The following CELF2 variants were observed in gnomAD, a reference collection of about 807,000 sequenced individuals.
CELF2 encodes the protein CUGBP Elav-like family member 2.
In CELF2, 8 loss-of-function variants were observed where a neutral mutation model predicts 62.6. That is an observed-to-expected ratio of 0.13 (90% CI 0.07 to 0.23). The LOEUF (loss-of-function observed/expected upper bound fraction) is 0.23, where lower values mean the gene tolerates loss of function less well. Ranked by LOEUF, CELF2 falls within the 10% of genes least tolerant of loss-of-function variation. CELF2 has a pLI of 1.00. For synonymous variants in CELF2, 258 were observed against 250.0 expected, an observed-to-expected ratio of 1.03 and a Z score of -0.30; for missense variants, 333 against 671.0, an observed-to-expected ratio of 0.50 and a Z score of 5.56.
At chr10:10,798,496 G>A (rs987939852), upstream of CELF2, 5 of 353,498 alleles carry the variant, frequency 1.4e-5, no homozygotes, top group South Asian at 1.5e-4. Flanking sequence ...GGAATAAAGT[G>A]GGCTACAAAA....
chr10:11,147,528 T>C (rs1426257468), intron 1 of CELF2, among the ~76,000 whole-genome samples: 1 of 152,220 alleles, frequency 6.6e-6, no homozygotes, highest in African/African-American at 2.4e-5. Flanking sequence ...AAAAATAAAA[T>C]GCATGTGCAA....
chr10:10,867,904 A>G (rs2060487281), intron 1 of CELF2, among the ~76,000 whole-genome samples: 1 of 152,156 alleles, frequency 6.6e-6, no homozygotes. Context: ...CTGATATTCC[A>G]AATATTTGTC....
chr10:10,462,694 G>C, the CELF2 span, among the ~76,000 whole-genome samples: 8 of 139,354 alleles, frequency 5.7e-5, no homozygotes, highest in South Asian at 1.4e-3. Context: ...AGTCATAAGC[G>C]TGGCTTCCCT....
Position 11,296,600 on chromosome 10 carries a change from A to G in CELF2, c.976+8048A>G, listed in dbSNP as rs1459335130. 6.6e-6 allele frequency among the ~76,000 whole-genome samples: 1 copy of G among 152,188 alleles called. No individual in the cohort carries two copies. The highest frequency in any genetic ancestry group is 2.4e-5 in the African/African-American group (1 of 41,452). Reference sequence around the variant, plus strand: ...CCATTTCTTCAGACTTGAAAGCAATAAAATGGAAATTTTTAGTTCAGATGT... The same window carrying G: ...CCATTTCTTCAGACTTGAAAGCAATGAAATGGAAATTTTTAGTTCAGATGT... On this transcript the variant is annotated intron_variant, in intron 9 of 12. Coordinates refer to ENST00000633077, the MANE Select transcript of CELF2 (RefSeq NM_001326342.2). The surrounding 1 kb of genome is among the most constrained non-coding windows in gnomAD (Gnocchi z 5.0).
At chr10:10,980,538 ACCT>A (rs1479783210) in intron 2 of CELF2, among the ~76,000 whole-genome samples, 1 of 150,788 alleles carries the variant, frequency 6.6e-6, no homozygotes, top group African/African-American at 2.4e-5. Flanking sequence ...TTTCTTAAAA[ACCT>A]CCTGTTTCTT....
upstream of CELF2, among the ~76,000 whole-genome samples, chr10:11,014,382 C>G (rs1327081458): frequency 6.6e-6 from 1 of 152,182 alleles, no homozygotes; most frequent in Non-Finnish European, 1.5e-5. Context: ...ACAAGATATA[C>G]AAGGTTGTCT....
intron 2 of CELF2, among the ~76,000 whole-genome samples, chr10:11,200,813 A>T (rs754909726): frequency 1.5e-4 from 23 of 152,260 alleles, no homozygotes; most frequent in Non-Finnish European, 1.6e-4. Context: ...GAGAAAAAGA[A>T]GACGGAAATT....
the CELF2 span, among the ~76,000 whole-genome samples, chr10:10,502,215 G>T: frequency 6.6e-6 from 1 of 151,486 alleles, no homozygotes; most frequent in Non-Finnish European, 1.5e-5. Context: ...TTGATTTGCA[G>T]TTTTTTTCTG....
At chr10:11,035,152 A>G (rs562690935) in intron 1 of CELF2, among the ~76,000 whole-genome samples, 1 of 152,262 alleles carries the variant, frequency 6.6e-6, no homozygotes, top group East Asian at 1.9e-4. Flanking sequence ...TCTGCGTGGG[A>G]TTAACCCAAA....
At position 10,972,948 on chromosome 10, in the gene CELF2, C is replaced by G. The variant is rs893150112; in HGVS notation, c.89+52949C>G. On this transcript the variant is annotated intron_variant, in intron 2 of 13. Coordinates refer to the CELF2 transcript ENST00000636488. The surrounding 1 kb of genome is among the most constrained non-coding windows in gnomAD (Gnocchi z 4.4). ...AGATGGAAAGATGTGAAGGGAGGGT[C>G]GAGATGTTTTTAATGGCAAAGAATG... Among the ~76,000 whole-genome samples the G allele has an allele frequency of 5.9e-5, 9 of 152,114 alleles. No homozygotes were observed. In the South Asian group the frequency reaches 1.9e-3, roughly 32 times the overall value.
chr10:10,651,340 G>A, the CELF2 span, among the ~76,000 whole-genome samples: 422 of 141,834 alleles, frequency 3.0e-3, 8 homozygotes, highest in Middle Eastern at 7.1e-3. Flanking sequence ...ACAAAGCAGC[G>A]GGGAAGCTCG....
chr10:10,738,408 C>A, the CELF2 span, among the ~76,000 whole-genome samples: 2 of 152,212 alleles, frequency 1.3e-5, no homozygotes, highest in South Asian at 2.1e-4. Flanking sequence ...GACTTGACAG[C>A]GGAGAAGCCT....
At chr10:10,770,902 A>T in the CELF2 span, among the ~76,000 whole-genome samples, 1 of 152,160 alleles carries the variant, frequency 6.6e-6, no homozygotes, top group Non-Finnish European at 1.5e-5. Flanking sequence ...TGTCAGAGTC[A>T]CCTGTGGTGC....
chr10:10,592,046 T>TA, the CELF2 span, among the ~76,000 whole-genome samples: 1 of 152,164 alleles, frequency 6.6e-6, no homozygotes, highest in Non-Finnish European at 1.5e-5. Context: ...GTAATCAACA[T>TA]ACTACTTTCA....
At chr10:11,212,505 A>G (rs2062116887) in intron 2 of CELF2, among the ~76,000 whole-genome samples, 1 of 152,226 alleles carries the variant, frequency 6.6e-6, no homozygotes, top group South Asian at 2.1e-4. Flanking sequence ...TTCCCCTCTA[A>G]GTTACAGAGA....
At chr10:10,621,808 G>A in the CELF2 span, among the ~76,000 whole-genome samples, 2 of 152,154 alleles carry the variant, frequency 1.3e-5, no homozygotes, top group African/African-American at 2.4e-5. Flanking sequence ...CTTGCCATAA[G>A]AGGTAAAATG....
chr10:10,820,931 A>C (rs1161169113), intron 1 of CELF2, among the ~76,000 whole-genome samples: 3 of 152,222 alleles, frequency 2.0e-5, no homozygotes, highest in Non-Finnish European at 4.4e-5. Context: ...CTCGGAGAGC[A>C]TTCTGGGGGT....
intron 8 of CELF2, among the ~76,000 whole-genome samples, chr10:11,284,449 G>A (rs1193602364): frequency 1.3e-3 from 188 of 149,718 alleles, no homozygotes; most frequent in Non-Finnish European, 1.8e-3. Flanking sequence ...GTGTGTGGTG[G>A]GTGGATGAGG....
chr10:10,729,304 T>G, the CELF2 span, among the ~76,000 whole-genome samples: 1 of 152,196 alleles, frequency 6.6e-6, no homozygotes, highest in Admixed American at 6.5e-5. Context: ...CAAAGTACGT[T>G]AGTCATGGTA....
Sources: gnomAD v4.1 joint callset for allele counts (sites outside exome capture counted in the v4.1 genomes callset) on GRCh38, gnomAD v4.1.1 for gene constraint, Gnocchi (gnomAD v3.1) non-coding constraint, MANE v1.5 for transcripts, NCBI Gene and HGNC (gene_info 2026-07-23, HGNC 2026-07-21) for gene names.